GRIP1: variants seen among roughly 807,000 people sequenced by gnomAD.
GRIP1 encodes glutamate receptor-interacting protein 1.
In GRIP1, 45 loss-of-function variants were observed where a neutral mutation model predicts 129.9. The ratio of observed to expected loss-of-function variants is 0.35; its 90% CI spans 0.27 to 0.44. The LOEUF (loss-of-function observed/expected upper bound fraction) is 0.44, where lower values mean the gene tolerates loss of function less well. Among genes scored for constraint, GRIP1 ranks in the 20% least tolerant of loss-of-function variants. The probability of loss-of-function intolerance (pLI) is 1.00; values close to 1 mark genes in which losing one functional copy is unlikely to be tolerated. For missense variants in GRIP1, 1,196 were observed against 1,396.8 expected (o/e 0.86, Z 2.29); for synonymous variants, 530 against 520.8 (o/e 1.02, Z -0.24).
intron 7 of GRIP1, among the ~76,000 whole-genome samples, chr12:66,504,189 T>C (rs1036194053): frequency 9.2e-5 from 14 of 152,180 alleles, no homozygotes; most frequent in African/African-American, 3.4e-4. Context: ...AGTAACCCAA[T>C]ATTTAGATTT....
intron 7 of GRIP1, among the ~76,000 whole-genome samples, chr12:66,467,758 C>T (rs2059326706): frequency 6.6e-6 from 1 of 152,226 alleles, no homozygotes; most frequent in South Asian, 2.1e-4. Flanking sequence ...TCAGCCAAAC[C>T]TCACATGAGC....
intron 1 of GRIP1, among the ~76,000 whole-genome samples, chr12:66,755,042 C>A (rs1211519618): frequency 6.6e-6 from 1 of 152,118 alleles, no homozygotes; most frequent in African/African-American, 2.4e-5. Flanking sequence ...ATGGATATAA[C>A]TTCCCAAACA....
At chr12:66,758,738 A>G (rs572944567) in intron 1 of GRIP1, among the ~76,000 whole-genome samples, 15 of 152,204 alleles carry the variant, frequency 9.9e-5, no homozygotes, top group Non-Finnish European at 2.1e-4. Context: ...CAAAGGGGAT[A>G]CAGGGCCCAT....
intron 1 of GRIP1, among the ~76,000 whole-genome samples, chr12:67,043,650 TC>T (rs1361916643): frequency 6.6e-6 from 1 of 152,094 alleles, no homozygotes; most frequent in Non-Finnish European, 1.5e-5. Context: ...CATCTTATTC[TC>T]CCACCCCTTC....
At chr12:66,583,342 C>T (rs1184714954) in intron 2 of GRIP1, among the ~76,000 whole-genome samples, 2 of 149,928 alleles carry the variant, frequency 1.3e-5, no homozygotes, top group Non-Finnish European at 3.0e-5. Flanking sequence ...AGGACATAGG[C>T]ATGGGCAAGG....
intron 1 of GRIP1, among the ~76,000 whole-genome samples, chr12:67,061,994 A>C (rs2043544650): frequency 6.6e-6 from 1 of 152,146 alleles, no homozygotes; most frequent in African/African-American, 2.4e-5. Context: ...TGTTTCCGAC[A>C]TTTACCTGGT....
intron 1 of GRIP1, among the ~76,000 whole-genome samples, chr12:66,621,156 C>T (rs1467864969): frequency 6.6e-6 from 1 of 152,090 alleles, no homozygotes; most frequent in Non-Finnish European, 1.5e-5. Context: ...TACAGTTCAA[C>T]AACATTAAGT....
intron 1 of GRIP1, among the ~76,000 whole-genome samples, chr12:66,913,606 T>C (rs1396698844): frequency 6.6e-6 from 1 of 152,214 alleles, no homozygotes; most frequent in Admixed American, 6.5e-5. Context: ...TTTTGTTATT[T>C]TGTTAAAATA....
upstream of GRIP1, chr12:66,804,284 C>T (rs986658309): frequency 1.5e-5 from 5 of 336,206 alleles, no homozygotes; most frequent in African/African-American, 1.1e-4. Flanking sequence ...AATACCAAAC[C>T]TGGACCAGGA....
intron 1 of GRIP1, among the ~76,000 whole-genome samples, chr12:66,813,324 A>G (rs1419933832): frequency 1.6e-4 from 25 of 152,088 alleles, no homozygotes; most frequent in Non-Finnish European, 3.4e-4. Context: ...TCACCAAAGA[A>G]TGACACTAAG....
intron 1 of GRIP1, among the ~76,000 whole-genome samples, chr12:66,707,280 A>G (rs749436868): frequency 2.6e-5 from 4 of 151,806 alleles, no homozygotes; most frequent in Non-Finnish European, 5.9e-5. Context: ...AGAGCTTCCC[A>G]TAATTGGCCC....
chr12:66,950,524 T>G (rs1300497157), intron 1 of GRIP1, among the ~76,000 whole-genome samples: 3 of 152,132 alleles, frequency 2.0e-5, no homozygotes, highest in African/African-American at 7.2e-5. Context: ...TTTTCACAGC[T>G]GTGAAATTAA....
chr12:66,434,393 C>T (rs535743857), intron 13 of GRIP1, among the ~76,000 whole-genome samples: 1 of 152,298 alleles, frequency 6.6e-6, no homozygotes, highest in East Asian at 1.9e-4. Context: ...CCTTTGACTT[C>T]GGGGTTGTCT....
intron 1 of GRIP1, among the ~76,000 whole-genome samples, chr12:66,618,013 T>C (rs1372209031): frequency 1.3e-5 from 2 of 152,132 alleles, no homozygotes; most frequent in African/African-American, 4.8e-5. Flanking sequence ...ATTCTACTAC[T>C]GTGATTTATC....
chr12:66,746,399 C>A (rs897025863), intron 1 of GRIP1, among the ~76,000 whole-genome samples: 1 of 152,182 alleles, frequency 6.6e-6, no homozygotes, highest in African/African-American at 2.4e-5. Context: ...AATGCAGAAT[C>A]TTAGGTGGCA....
At chr12:66,531,482 A>G (rs2061464025) in intron 4 of GRIP1, among the ~76,000 whole-genome samples, 1 of 152,020 alleles carries the variant, frequency 6.6e-6, no homozygotes, top group African/African-American at 2.4e-5. Flanking sequence ...GATTAAGAAA[A>G]GTACACATTT....
intron 1 of GRIP1, among the ~76,000 whole-genome samples, chr12:66,947,810 C>T (rs889106890): frequency 6.6e-6 from 1 of 152,192 alleles, no homozygotes; most frequent in Non-Finnish European, 1.5e-5. Flanking sequence ...TGATCAATAA[C>T]CAAGTACAAG....
chr12:66,756,568 C>T (rs144507640), intron 1 of GRIP1, among the ~76,000 whole-genome samples: 1 of 152,140 alleles, frequency 6.6e-6, no homozygotes, highest in African/African-American at 2.4e-5. Context: ...CTGGTTCTCA[C>T]TTCATAGAGC....
intron 23 of GRIP1, among the ~76,000 whole-genome samples, chr12:66,368,037 TGAG>T (rs1219390197): frequency 4.6e-5 from 7 of 152,112 alleles, no homozygotes; most frequent in African/African-American, 1.4e-4. Flanking sequence ...CAGCAGATGA[TGAG>T]AAGTGAGTGA....
Sources: gnomAD v4.1 joint callset for allele counts (sites outside exome capture counted in the v4.1 genomes callset) on GRCh38, gnomAD v4.1.1 for gene constraint, MANE v1.5 for transcripts, NCBI Gene and HGNC (gene_info 2026-07-23, HGNC 2026-07-21) for gene names.